Variants in SGCZ observed in about 807,000 individuals in gnomAD.
SGCZ encodes the protein sarcoglycan zeta.
A neutral mutation model predicts 41.3 loss-of-function variants in SGCZ; 40 were observed. That is an observed-to-expected ratio of 0.97 (90% CI 0.75 to 1.26). The LOEUF is 1.26. Ranked by LOEUF, SGCZ falls within the 50% of genes most tolerant of loss-of-function variation. SGCZ has a pLI of 0.00. For synonymous variants in SGCZ, 206 were observed against 137.5 expected (o/e 1.50, Z -3.49); for missense variants, 552 against 369.8 (o/e 1.49, Z -4.04).
At chr8:14,823,145 G>A (rs1268762073) in intron 1 of SGCZ, among the ~76,000 whole-genome samples, 2 of 149,090 alleles carry the variant, frequency 1.3e-5, no homozygotes, top group East Asian at 4.1e-4. Context: ...GAAAACAGTG[G>A]AAATGCTTCA....
intron 1 of SGCZ, among the ~76,000 whole-genome samples, chr8:14,822,490 C>G (rs1004167959): frequency 8.5e-5 from 13 of 152,070 alleles, no homozygotes; most frequent in African/African-American, 3.1e-4. Context: ...AAGAAATTCA[C>G]ATGGAATCAC....
chr8:14,431,469 G>C (rs1232394661), intron 2 of SGCZ, among the ~76,000 whole-genome samples: 3 of 112,570 alleles, frequency 2.7e-5, no homozygotes, highest in African/African-American at 7.9e-5. Context: ...ATTAGTGCTG[G>C]GAAAATTGGC....
intron 2 of SGCZ, among the ~76,000 whole-genome samples, chr8:14,382,744 T>C (rs2063811313): frequency 1.3e-5 from 2 of 152,200 alleles, no homozygotes; most frequent in Non-Finnish European, 1.5e-5. Context: ...ACTTGGGTGA[T>C]TTTAATGAAA....
chr8:14,616,080 A>G (rs4831622), intron 1 of SGCZ, among the ~76,000 whole-genome samples: 51,897 of 151,884 alleles, frequency 0.34, 9,106 homozygotes, highest in East Asian at 0.62. Context: ...TCAAGAGATC[A>G]AGACCATCCT....
intron 1 of SGCZ, among the ~76,000 whole-genome samples, chr8:15,024,353 G>A (rs920434060): frequency 6.6e-6 from 1 of 152,222 alleles, no homozygotes. Flanking sequence ...TAAATTTGAG[G>A]AGACACTGCT....
chr8:15,029,297 A>G (rs1234103596), intron 1 of SGCZ, among the ~76,000 whole-genome samples: 2 of 152,094 alleles, frequency 1.3e-5, no homozygotes, highest in Non-Finnish European at 2.9e-5. Flanking sequence ...TGGATTTTAT[A>G]TATAGAAAAA....
chr8:14,430,284 C>T (rs1799907035), intron 2 of SGCZ, among the ~76,000 whole-genome samples: 1 of 152,104 alleles, frequency 6.6e-6, no homozygotes, highest in African/African-American at 2.4e-5. Context: ...AACATAGGTG[C>T]TAAAATCCTT....
intron 1 of SGCZ, among the ~76,000 whole-genome samples, chr8:14,580,977 A>C (rs1401502122): frequency 6.6e-6 from 1 of 152,226 alleles, no homozygotes; most frequent in Non-Finnish European, 1.5e-5. Flanking sequence ...TCAGTAGTAA[A>C]TGCCTTTCTT....
intron 2 of SGCZ, among the ~76,000 whole-genome samples, chr8:14,419,120 A>G (rs1354154966): frequency 6.6e-6 from 1 of 151,970 alleles, no homozygotes; most frequent in Admixed American, 6.6e-5. Flanking sequence ...TGGGAAAAGT[A>G]TAATAAAAAT....
At chr8:14,684,757 G>A (rs1808557254) in intron 1 of SGCZ, among the ~76,000 whole-genome samples, 1 of 150,106 alleles carries the variant, frequency 6.7e-6, no homozygotes, top group South Asian at 2.1e-4. Flanking sequence ...ATATAAAATT[G>A]CTGCAAAGAA....
intron 2 of SGCZ, among the ~76,000 whole-genome samples, chr8:14,479,903 G>A (rs1197984501): frequency 2.1e-5 from 2 of 97,196 alleles, no homozygotes; most frequent in Non-Finnish European, 4.6e-5. Context: ...GCACTAGCAC[G>A]CTCGACTAAT....
chr8:14,664,495 GAT>G (rs1163090909), intron 1 of SGCZ, among the ~76,000 whole-genome samples: 2 of 152,112 alleles, frequency 1.3e-5, no homozygotes, highest in African/African-American at 4.8e-5. Flanking sequence ...AATAGAAAAA[GAT>G]ATGTGATATT....
At chr8:14,865,818 T>C (rs1252156534) in intron 1 of SGCZ, among the ~76,000 whole-genome samples, 2 of 152,110 alleles carry the variant, frequency 1.3e-5, no homozygotes, top group Non-Finnish European at 2.9e-5. Context: ...CTGGTGAATC[T>C]CTTATAAAGG....
intron 1 of SGCZ, among the ~76,000 whole-genome samples, chr8:14,789,918 G>C (rs2130464522): frequency 6.6e-6 from 1 of 152,182 alleles, no homozygotes; most frequent in South Asian, 2.1e-4. Context: ...TGAAAACAGA[G>C]AATGTTTTCA....
chr8:14,478,748 C>T (rs940465885), intron 2 of SGCZ, among the ~76,000 whole-genome samples: 1 of 152,098 alleles, frequency 6.6e-6, no homozygotes, highest in African/African-American at 2.4e-5. Context: ...ATTAATATTC[C>T]CTGCTCCATT....
At chr8:14,404,005 A>G (rs1799145869) in intron 2 of SGCZ, among the ~76,000 whole-genome samples, 1 of 152,180 alleles carries the variant, frequency 6.6e-6, no homozygotes, top group African/African-American at 2.4e-5. Flanking sequence ...GCCCAGAGAA[A>G]CAAGGAAAGA....
intron 4 of SGCZ, among the ~76,000 whole-genome samples, chr8:14,205,847 T>C (rs942224001): frequency 5.3e-5 from 8 of 152,182 alleles, no homozygotes; most frequent in Admixed American, 2.6e-4. Context: ...TCAAATATTA[T>C]TTGAAATTTA....
chr8:14,735,808 T>A (rs1286512715), intron 1 of SGCZ, among the ~76,000 whole-genome samples: 1 of 152,064 alleles, frequency 6.6e-6, no homozygotes, highest in Non-Finnish European at 1.5e-5. Flanking sequence ...GACACACAAA[T>A]AATGGAAAAT....
At chr8:14,795,181 G>A (rs1801083858) in intron 1 of SGCZ, among the ~76,000 whole-genome samples, 2 of 152,148 alleles carry the variant, frequency 1.3e-5, no homozygotes, top group South Asian at 2.1e-4. Context: ...GTTTAACATA[G>A]GATACATGTG....
Sources: allele counts gnomAD v4.1 joint callset (sites outside exome capture counted in the v4.1 genomes callset), GRCh38; gene constraint gnomAD v4.1.1; transcripts MANE v1.5; gene names NCBI Gene and HGNC (gene_info 2026-07-23, HGNC 2026-07-21).